The following MTFR1 variants were observed in gnomAD, a reference collection of about 807,000 sequenced individuals.
MTFR1 encodes chondrocyte protein with a poly-proline region.
MTFR1 carries 28 observed loss-of-function variants against 38.8 expected under a neutral mutation model. The ratio of observed to expected loss-of-function variants is 0.72; its 90% confidence interval spans 0.53 to 0.99. The LOEUF (loss-of-function observed/expected upper bound fraction) is 0.99, where lower values mean the gene tolerates loss of function less well. MTFR1 is among the 50% of genes least tolerant of loss of function. The pLI, the probability that MTFR1 is intolerant of heterozygous loss-of-function variation, is 0.00. For missense variants in MTFR1, 358 were observed against 395.5 expected (o/e 0.91, Z 0.81); for synonymous variants, 145 against 137.0 (o/e 1.06, Z -0.41).
chr8:65,689,562 A>G, intron 3 of MTFR1: 1 of 1,264,442 alleles, frequency 7.9e-7, no homozygotes, highest in Non-Finnish European at 1.0e-6. Flanking sequence ...TCCACTAATA[A>G]TAGCTGTAGT....
intron 6 of MTFR1, 85 bp from the exon 7 acceptor site, chr8:65,707,752 AGGTGCT>A: frequency 6.8e-7 from 1 of 1,478,982 alleles, no homozygotes; most frequent in Non-Finnish European, 9.1e-7. Context: ...GATGCTGGAG[AGGTGCT>A]GTCAGGCAAA....
chr8:65,673,155 T>G (rs1359801865), intron 2 of MTFR1, among the ~76,000 whole-genome samples: 1 of 152,220 alleles, frequency 6.6e-6, no homozygotes, highest in Non-Finnish European at 1.5e-5. Context: ...TTCTTTTCAC[T>G]TGAACACTTG....
Position 65,741,796 on chromosome 8 carries a change from C to T in MTFR1, c.*48+22315C>T, listed in dbSNP as rs188217764. Among the ~76,000 whole-genome samples, 167 of 152,254 alleles carry T rather than the reference C, an allele frequency of 1.1e-3. 2 individuals carry two copies. Among genetic ancestry groups the T allele is most frequent in the Admixed American group, 8.3e-3 (127 of 15,290 alleles). Reference sequence around the variant, plus strand: ...TGTATATTTAGATTATCATAAGGTTCTCCAAATTGTTTTTCAAATGTAACA... The same window carrying T: ...TGTATATTTAGATTATCATAAGGTTTTCCAAATTGTTTTTCAAATGTAACA... On this transcript the variant is annotated intron_variant, in intron 3 of 3. Transcript: ENST00000521247.
intron 3 of MTFR1, chr8:65,747,805 T>C (rs1807752554): frequency 1.3e-6 from 2 of 1,596,478 alleles, no homozygotes; most frequent in Non-Finnish European, 1.7e-6. Flanking sequence ...CAGATTGAGC[T>C]GAAATAAAAA....
intron 2 of MTFR1, among the ~76,000 whole-genome samples, chr8:65,671,806 G>A (rs947817092): frequency 2.0e-5 from 3 of 152,156 alleles, no homozygotes; most frequent in South Asian, 2.1e-4. Flanking sequence ...TATTGCCTTC[G>A]TCTGCAAAGT....
Position 65,682,452 on chromosome 8 carries a change from G to A in MTFR1, c.165+1G>A, listed in dbSNP as rs749254164. On this transcript the variant is annotated splice_donor_variant, in intron 3 of 7. Transcript: ENST00000262146. LOFTEE classifies it high-confidence loss of function. ...TCAGTGTCCAAGAGTTCAGTTTCAG[G>A]TATTATATTTTATATATTTTAAGTA... The A allele has an allele frequency of 9.3e-6, 13 of 1,391,818 alleles. No individual in the cohort carries two copies. The highest frequency in any genetic ancestry group is 1.7e-5 in the South Asian group (1 of 59,848). 86.2% of individuals were successfully genotyped at this position (1,391,818 alleles called of 1,614,324 possible).
rs71981429 is a variant in MTFR1, at chr8:65,743,839, CT to C, written c.*48+24371del. Among the ~76,000 whole-genome samples, 960 of 144,992 alleles carry C rather than the reference CT, an allele frequency of 6.6e-3. 6 individuals carry two copies. Among genetic ancestry groups the C allele is most frequent in the African/African-American group, 0.016 (624 of 39,642 alleles). On this transcript the variant is annotated intron_variant, in intron 3 of 3. Transcript: ENST00000521247. ...CTGGGGCAAAACATTAGCTGAATTG[CT>C]TTTTTTTTTTTTGAGACAGTCTCGC...
intron 3 of MTFR1, chr8:65,725,369 T>C (rs1002078598): frequency 6.4e-6 from 1 of 155,266 alleles, no homozygotes; most frequent in African/African-American, 2.4e-5. Flanking sequence ...TAATGGCCCA[T>C]TCAACAGCTG....
At chr8:65,719,275 C>T in intron 2 of MTFR1, 1 of 1,592,860 alleles carries the variant, frequency 6.3e-7, no homozygotes, top group Non-Finnish European at 8.6e-7. Context: ...CAGTTTGTCC[C>T]ACTGGTTCTG....
chr8:65,685,157 T>G (rs1472578137), intron 3 of MTFR1, among the ~76,000 whole-genome samples: 1 of 152,178 alleles, frequency 6.6e-6, no homozygotes, highest in African/African-American at 2.4e-5. Context: ...AAATTGAAAA[T>G]GCATTTTTTT....
Position 65,661,857 on chromosome 8 carries a change from G to A in MTFR1, c.-80-8016G>A, listed in dbSNP as rs989620513. Among the ~76,000 whole-genome samples, 6 of 152,080 alleles carry A rather than the reference G, an allele frequency of 3.9e-5. No individual in the cohort carries two copies. The East Asian group carries it at 1.2e-3, about 29-fold the overall frequency. Reference sequence around the variant, plus strand: ...CATATGCCTGCAGTCCCAGCTACTTGGGAGGCTGAGGTGGGAGAATCGCTT... The same window carrying A: ...CATATGCCTGCAGTCCCAGCTACTTAGGAGGCTGAGGTGGGAGAATCGCTT... On this transcript the variant is annotated intron_variant, in intron 1 of 7. Coordinates refer to ENST00000262146, the MANE Select transcript of MTFR1 (RefSeq NM_014637.4).
intron 4 of MTFR1, among the ~76,000 whole-genome samples, chr8:65,701,267 G>A (rs971604867): frequency 6.6e-6 from 1 of 152,178 alleles, no homozygotes; most frequent in Non-Finnish European, 1.5e-5. Flanking sequence ...AATTGTTTGA[G>A]ACCTGTCTCA....
At chr8:65,668,174 T>A (rs1486603824) in intron 1 of MTFR1, among the ~76,000 whole-genome samples, 1 of 148,584 alleles carries the variant, frequency 6.7e-6, no homozygotes, top group East Asian at 2.2e-4. Context: ...ATTTTCTTTT[T>A]TTTTTTTTTC....
intron 3 of MTFR1, chr8:65,724,121 T>C: frequency 5.2e-6 from 3 of 580,554 alleles, no homozygotes; most frequent in Non-Finnish European, 9.2e-6. Context: ...TAGATGTATA[T>C]CTATTGTGAA....
chr8:65,746,283 A>G (rs1807673098), intron 3 of MTFR1, among the ~76,000 whole-genome samples: 1 of 152,118 alleles, frequency 6.6e-6, no homozygotes, highest in African/African-American at 2.4e-5. Flanking sequence ...CAAGCAAAAA[A>G]TAACTAACTT....
intron 3 of MTFR1, among the ~76,000 whole-genome samples, chr8:65,766,463 G>C (rs112166988): frequency 1.3e-5 from 2 of 152,180 alleles, no homozygotes; most frequent in South Asian, 2.1e-4. Flanking sequence ...TTATGGAGTT[G>C]AATGAAAGCA....
intron 3 of MTFR1, among the ~76,000 whole-genome samples, chr8:65,763,591 A>T (rs943761861): frequency 2.0e-5 from 3 of 152,018 alleles, no homozygotes; most frequent in Non-Finnish European, 2.9e-5. Context: ...GATTACTCTT[A>T]TTGTTATGGG....
chr8:65,727,316 A>C, intron 3 of MTFR1: 3 of 1,612,424 alleles, frequency 1.9e-6, no homozygotes, highest in African/African-American at 1.3e-5. Context: ...AGTGTGACAA[A>C]AGAATAATGA....
chr8:65,659,510 C>G (rs1317508945), intron 1 of MTFR1, among the ~76,000 whole-genome samples: 2 of 149,836 alleles, frequency 1.3e-5, no homozygotes, highest in African/African-American at 4.9e-5. Context: ...ACCACGCAAT[C>G]TGAGCTGACC....
Sources: gnomAD v4.1 joint callset for allele counts (sites outside exome capture counted in the v4.1 genomes callset) on GRCh38, gnomAD v4.1.1 for gene constraint, MANE v1.5 for transcripts, NCBI Gene and HGNC (gene_info 2026-07-23, HGNC 2026-07-21) for gene names.